Variants in ASTN2 observed in about 807,000 individuals in gnomAD.
ASTN2 encodes astrotactin-2.
A neutral mutation model predicts 139.8 loss-of-function variants in ASTN2; 54 were observed. The observed-to-expected ratio is 0.39, with a 90% confidence interval of 0.31 to 0.48. The LOEUF (loss-of-function observed/expected upper bound fraction) is 0.48, where lower values mean the gene tolerates loss of function less well. ASTN2 is among the 20% of genes least tolerant of loss of function. The pLI is 0.95. For synonymous variants in ASTN2, 756 were observed against 719.5 expected, an observed-to-expected ratio of 1.05 and a Z score of -0.81; for missense variants, 1,565 against 1,725.1, an observed-to-expected ratio of 0.91 and a Z score of 1.64.
intron 16 of ASTN2, among the ~76,000 whole-genome samples, chr9:116,684,306 T>C (rs1588192842): frequency 6.6e-6 from 1 of 152,234 alleles, no homozygotes; most frequent in African/African-American, 2.4e-5. Context: ...AGTACATTTC[T>C]GTAAACAAAT....
rs115983718 is a variant in ASTN2, at chr9:117,089,335, T to C, written c.1276+6709A>G. 8.5e-3 allele frequency among the ~76,000 whole-genome samples: 1,300 copies of C among 152,334 alleles called. 20 individuals are homozygous for C. The highest frequency in any genetic ancestry group is 0.029 in the African/African-American group (1,225 of 41,576). On this transcript the variant is annotated intron_variant, in intron 5 of 22. Coordinates refer to ENST00000313400, the MANE Select transcript of ASTN2 (RefSeq NM_001365068.1). ...TTGCTCTATGGAGTACTATCTCCGA[T>C]GAATATATGTTAAATTCTTCCCACT...
At chr9:116,974,063 G>A (rs1836280954) in intron 10 of ASTN2, among the ~76,000 whole-genome samples, 1 of 152,118 alleles carries the variant, frequency 6.6e-6, no homozygotes, top group Admixed American at 6.5e-5. Context: ...AACAGTCACT[G>A]GTAGTTAGGG....
intron 3 of ASTN2, among the ~76,000 whole-genome samples, chr9:117,205,309 C>T (rs552160170): frequency 4.6e-5 from 7 of 152,066 alleles, no homozygotes; most frequent in South Asian, 2.1e-4. Flanking sequence ...GGACTGAGGT[C>T]TACACATACA....
chr9:116,909,836 T>G (rs750034668), intron 10 of ASTN2, among the ~76,000 whole-genome samples: 8 of 152,214 alleles, frequency 5.3e-5, no homozygotes, highest in Admixed American at 2.0e-4. Context: ...AGAGAAAGCA[T>G]TCAGCAAATG....
chr9:116,903,160 T>C (rs778188817), intron 10 of ASTN2, among the ~76,000 whole-genome samples: 1 of 152,182 alleles, frequency 6.6e-6, no homozygotes, highest in Admixed American at 6.5e-5. Flanking sequence ...CTTCCCTGAT[T>C]CTTCTACTTA....
chr9:117,173,644 T>C (rs985979237), intron 3 of ASTN2, among the ~76,000 whole-genome samples: 10 of 151,588 alleles, frequency 6.6e-5, no homozygotes, highest in Middle Eastern at 3.2e-3. Flanking sequence ...ATAAACAAAA[T>C]AATAAAAAAA....
intron 1 of ASTN2, among the ~76,000 whole-genome samples, chr9:117,352,759 C>T (rs1007207403): frequency 3.3e-5 from 5 of 152,160 alleles, no homozygotes; most frequent in African/African-American, 1.2e-4. Flanking sequence ...GTAAAGACAA[C>T]CCAAGTGTCC....
chr9:117,204,350 C>A (rs1016587429), intron 3 of ASTN2, among the ~76,000 whole-genome samples: 1 of 152,192 alleles, frequency 6.6e-6, no homozygotes, highest in Non-Finnish European at 1.5e-5. Context: ...GAGCCACTGT[C>A]CCTGGCTGCC....
chr9:116,759,927 G>A (rs981704453), intron 13 of ASTN2, among the ~76,000 whole-genome samples: 2 of 151,984 alleles, frequency 1.3e-5, no homozygotes, highest in African/African-American at 2.4e-5. Context: ...AAAAACCCTG[G>A]GTCAGATAGT....
At chr9:116,555,563 C>A (rs556826928) in intron 19 of ASTN2, among the ~76,000 whole-genome samples, 1 of 152,054 alleles carries the variant, frequency 6.6e-6, no homozygotes, top group Non-Finnish European at 1.5e-5. Context: ...GCCATCAGAG[C>A]TCACAGAAGA....
intron 3 of ASTN2, among the ~76,000 whole-genome samples, chr9:117,194,635 C>T (rs1831441861): frequency 6.6e-6 from 1 of 152,186 alleles, no homozygotes; most frequent in African/African-American, 2.4e-5. Context: ...ACTTAGCTTG[C>T]TGACATCTAA....
intron 2 of ASTN2, among the ~76,000 whole-genome samples, chr9:117,287,512 C>A (rs964049512): frequency 2.6e-5 from 4 of 152,134 alleles, no homozygotes; most frequent in Non-Finnish European, 4.4e-5. Context: ...TGCCACTTAA[C>A]CTTTGTGTGA....
intron 10 of ASTN2, among the ~76,000 whole-genome samples, chr9:116,888,625 C>A (rs1426109826): frequency 3.3e-5 from 5 of 151,924 alleles, no homozygotes; most frequent in Non-Finnish European, 7.4e-5. Flanking sequence ...CAGGTTCAAG[C>A]AAGTCTCATG....
intron 4 of ASTN2, among the ~76,000 whole-genome samples, chr9:117,129,875 AT>A (rs1197281300): frequency 1.2e-4 from 19 of 152,070 alleles, no homozygotes; most frequent in African/African-American, 4.1e-4. Flanking sequence ...ATATGATTCC[AT>A]TTTTTTATAA....
intron 13 of ASTN2, among the ~76,000 whole-genome samples, chr9:116,745,988 T>C (rs577522532): frequency 6.6e-6 from 1 of 151,894 alleles, no homozygotes; most frequent in African/African-American, 2.4e-5. Context: ...TAGGGGAGAG[T>C]TGACTTCCTT....
rs188109408 is a variant in ASTN2 at position 116,438,512 on chromosome 9, G to A, written c.3782+2097C>T. On this transcript the variant is annotated intron_variant, in intron 22 of 22. Transcript: ENST00000313400. Reference sequence around the variant, plus strand: ...CACAGTGTTTACCAAAGTGTAGGCCGAGTTCCTCTAGGGTAGGGAAAGGAT... The same window carrying A: ...CACAGTGTTTACCAAAGTGTAGGCCAAGTTCCTCTAGGGTAGGGAAAGGAT... 1.3e-3 allele frequency among the ~76,000 whole-genome samples: 198 copies of A among 152,234 alleles called. 1 individual carries two copies. Among genetic ancestry groups the A allele is most frequent in the Admixed American group, 7.1e-3 (109 of 15,290 alleles).
At chr9:116,815,860 G>A (rs1198130638) in intron 12 of ASTN2, among the ~76,000 whole-genome samples, 1 of 141,544 alleles carries the variant, frequency 7.1e-6, no homozygotes, top group African/African-American at 2.6e-5. Flanking sequence ...CTCTTACATA[G>A]GAATATATGA....
chr9:116,543,298 A>T (rs977607836), intron 19 of ASTN2, among the ~76,000 whole-genome samples: 1 of 151,376 alleles, frequency 6.6e-6, no homozygotes, highest in Non-Finnish European at 1.5e-5. Context: ...TTAGCTGGGC[A>T]TGGTGGCGTG....
chr9:117,243,959 G>T (rs1397052590), intron 2 of ASTN2, among the ~76,000 whole-genome samples: 1 of 152,090 alleles, frequency 6.6e-6, no homozygotes, highest in East Asian at 1.9e-4. Context: ...ATCCCCACAT[G>T]TCTAGGGAGA....
Sources: gnomAD v4.1 joint callset for allele counts (sites outside exome capture counted in the v4.1 genomes callset) on GRCh38, gnomAD v4.1.1 for gene constraint, MANE v1.5 for transcripts, NCBI Gene and HGNC (gene_info 2026-07-23, HGNC 2026-07-21) for gene names.